The following CDH11 variants were observed in gnomAD, a reference collection of about 807,000 sequenced individuals.
The protein encoded by CDH11 is cadherin-11.
CDH11 carries 11 observed loss-of-function variants against 67.8 expected under a neutral mutation model. That is an observed-to-expected ratio of 0.16 (90% CI 0.10 to 0.27). CDH11 has a LOEUF of 0.27. Ranked by LOEUF, CDH11 falls within the 10% of genes least tolerant of loss-of-function variation. CDH11 has a pLI of 1.00. For missense variants in CDH11, 847 were observed against 1,031.2 expected (o/e 0.82, Z 2.45); for synonymous variants, 419 against 400.0 (o/e 1.05, Z -0.57).
At chr16:65,048,834 C>T (rs996112080) in intron 2 of CDH11, among the ~76,000 whole-genome samples, 4 of 151,354 alleles carry the variant, frequency 2.6e-5, no homozygotes, top group Admixed American at 6.6e-5. Context: ...TGGTATATCA[C>T]GAAATACTAC....
intron 6 of CDH11, among the ~76,000 whole-genome samples, chr16:64,991,057 A>T (rs949188306): frequency 2.5e-4 from 38 of 152,312 alleles, no homozygotes; most frequent in Non-Finnish European, 3.4e-4. Context: ...CTCCAGTGGA[A>T]ACATTTGGTG....
At chr16:64,991,978 C>T (rs1171452285) in intron 5 of CDH11, 43 bp from the exon 6 acceptor site, 1 of 1,430,662 alleles carries the variant, frequency 7.0e-7, no homozygotes, top group Non-Finnish European at 9.6e-7. Flanking sequence ...TCGTTTATAA[C>T]ATTATGACAA....
intron 7 of CDH11, 182 bp downstream of exon 7, chr16:64,987,975 G>A: frequency 6.2e-6 from 3 of 483,808 alleles, no homozygotes; most frequent in Non-Finnish European, 1.1e-5. Flanking sequence ...CAGCTTCTCT[G>A]CAGTAACAGA....
At chr16:65,056,480 T>C (rs1035974753) in intron 1 of CDH11, among the ~76,000 whole-genome samples, 3 of 152,220 alleles carry the variant, frequency 2.0e-5, no homozygotes, top group Non-Finnish European at 4.4e-5. Context: ...TGTTGTTATA[T>C]GCCACTAAAT....
intron 3 of CDH11, among the ~76,000 whole-genome samples, chr16:65,003,184 TA>T (rs1197279959): frequency 6.6e-6 from 1 of 151,496 alleles, no homozygotes; most frequent in Non-Finnish European, 1.5e-5. Context: ...GCATTAGTAA[TA>T]AATAATACTA....
At chr16:64,972,817 A>T in intron 9 of CDH11, 87 bp downstream of exon 9, 2 of 1,401,206 alleles carry the variant, frequency 1.4e-6, no homozygotes, top group Non-Finnish European at 2.0e-6. Context: ...AAGTTAGTCT[A>T]TCTCAGCTAT....
chr16:65,011,532 ATTAT>A, intron 2 of CDH11, among the ~76,000 whole-genome samples: 1 of 152,294 alleles, frequency 6.6e-6, no homozygotes, highest in South Asian at 2.1e-4. Context: ...TCATTCAGTG[ATTAT>A]TTATCTCTTT....
Position 64,944,216 on chromosome 16 carries a change from C to T in CDH11, c.*3387G>A, listed in dbSNP as rs927572174. 5.2e-5 allele frequency: 12 copies of T among 232,938 alleles called. No individual in the cohort carries two copies. Among genetic ancestry groups the T allele is most frequent in the African/African-American group, 2.6e-4 (12 of 45,306 alleles). The allele number at this position is 232,938 out of a possible 1,614,324, so 14.4% of individuals were successfully genotyped here. On this transcript the variant is annotated 3_prime_UTR_variant, in exon 13 of 13. Transcript: ENST00000268603. ...TCTGGGTTGTGTGTTAAAAGTATCC[C>T]TCTGGCTTCTTTGTGAAGAGGAGGT...
intron 1 of CDH11, among the ~76,000 whole-genome samples, chr16:65,107,812 A>G (rs1170803813): frequency 6.6e-6 from 1 of 151,758 alleles, no homozygotes; most frequent in Admixed American, 6.6e-5. Context: ...TTGTGGAGGA[A>G]GATTTGAGGG....
At chr16:65,097,356 T>C (rs1031488245) in intron 1 of CDH11, among the ~76,000 whole-genome samples, 3 of 152,228 alleles carry the variant, frequency 2.0e-5, no homozygotes, top group African/African-American at 4.8e-5. Flanking sequence ...TTCATAAGTC[T>C]CTATAAATGG....
At chr16:65,046,322 T>A (rs556839025) in intron 2 of CDH11, among the ~76,000 whole-genome samples, 4 of 152,146 alleles carry the variant, frequency 2.6e-5, no homozygotes, top group Non-Finnish European at 5.9e-5. Flanking sequence ...GTGGAGAGCA[T>A]GCTCACCTGC....
In CDH11 at chr16:64,991,891, C is replaced by T; in HGVS notation, c.688G>A (p.Glu230Lys). 2.5e-6 allele frequency: 4 copies of T among 1,613,818 alleles called. No homozygotes were observed. The highest frequency in any genetic ancestry group is 3.4e-6 in the Non-Finnish European group (4 of 1,179,768). ...GCCTGGATCACCACGTGGTACTCCT[C>T]CTTGGCCTCCCTGTCCATGTTGGGT... The part of the protein sequence containing the change: ...ALPNMDREAK[E>K]EYHVVIQAKD... The change falls in exon 6 of 13, where the codon GAG becomes AAG. Residue 230 changes from glutamate to lysine, a missense_variant. Around this residue, in one of 2 missense-constraint regions of CDH11, gnomAD observed 235 missense variants for 352.5 expected, o/e 0.67. Coordinates refer to ENST00000268603, the MANE Select transcript of CDH11 (RefSeq NM_001797.4).
At chr16:65,097,462 G>A (rs1055253276) in intron 1 of CDH11, among the ~76,000 whole-genome samples, 7 of 152,142 alleles carry the variant, frequency 4.6e-5, no homozygotes, top group African/African-American at 1.7e-4. Flanking sequence ...ACTTTGGGTC[G>A]GATGACTGTT....
At chr16:65,014,425 T>C (rs577119471) in intron 2 of CDH11, among the ~76,000 whole-genome samples, 34 of 152,274 alleles carry the variant, frequency 2.2e-4, no homozygotes, top group Non-Finnish European at 3.8e-4. Flanking sequence ...TCTCAAGATA[T>C]TTTATATTTT....
chr16:64,955,950 G>T (rs1353335362), intron 11 of CDH11, among the ~76,000 whole-genome samples: 1 of 152,032 alleles, frequency 6.6e-6, no homozygotes, highest in Non-Finnish European at 1.5e-5. Context: ...CATTACCAAG[G>T]TTTATGGATA....
chr16:65,015,935 T>TA (rs1205553731), intron 2 of CDH11, among the ~76,000 whole-genome samples: 1 of 152,164 alleles, frequency 6.6e-6, no homozygotes, highest in Non-Finnish European at 1.5e-5. Flanking sequence ...CCTGTGCCCA[T>TA]AATCCACCAG....
Position 65,009,347 on chromosome 16 carries a change from T to C in CDH11, c.-172-4306A>G, listed in dbSNP as rs186140310. 2.3e-3 allele frequency among the ~76,000 whole-genome samples: 354 copies of C among 152,326 alleles called. 2 individuals carry two copies. The highest frequency in any genetic ancestry group is 7.5e-3 in the African/African-American group (311 of 41,578). ...CCATCAATAACCATCAATAACATAG[T>C]ATAACCAGGTCTTTAAACAACATAT... On this transcript the variant is annotated intron_variant, in intron 2 of 12. Coordinates refer to ENST00000268603, the MANE Select transcript of CDH11 (RefSeq NM_001797.4).
intron 2 of CDH11, among the ~76,000 whole-genome samples, chr16:65,030,976 A>T (rs1162991476): frequency 6.6e-6 from 1 of 152,200 alleles, no homozygotes; most frequent in Non-Finnish European, 1.5e-5. Flanking sequence ...GGTGACCTAC[A>T]ATGTAAAAGG....
At chr16:65,083,056 C>A (rs1392007500) in intron 1 of CDH11, among the ~76,000 whole-genome samples, 3 of 152,170 alleles carry the variant, frequency 2.0e-5, no homozygotes, top group Non-Finnish European at 4.4e-5. Context: ...GAGTAGGAAT[C>A]CCATGAACAC....
Sources: gnomAD v4.1 joint callset for allele counts (sites outside exome capture counted in the v4.1 genomes callset) on GRCh38, gnomAD v4.1.1 for gene constraint, gnomAD v4.1.1 regional missense constraint, MANE v1.5 for transcripts, NCBI Gene and HGNC (gene_info 2026-07-23, HGNC 2026-07-21) for gene names.